BAIAP2L2: variants seen among roughly 807,000 people sequenced by gnomAD.
BAIAP2L2 encodes the protein BAR/IMD domain-containing adapter protein 2-like 2.
BAIAP2L2 carries 65 observed loss-of-function variants against 60.4 expected under a neutral mutation model. The ratio of observed to expected loss-of-function variants is 1.08; its 90% CI spans 0.88 to 1.32. BAIAP2L2 has a LOEUF of 1.32. BAIAP2L2 is among the 40% of genes most tolerant of loss of function. BAIAP2L2 has a pLI of 0.00. For synonymous variants in BAIAP2L2, 344 were observed against 301.7 expected (o/e 1.14, Z -1.45); for missense variants, 836 against 741.2 (o/e 1.13, Z -1.48).
chr22:38,109,108 C>A (rs762276069), intron 2 of BAIAP2L2, 25 bp downstream of exon 2: 7 of 1,593,632 alleles, frequency 4.4e-6, no homozygotes, highest in Non-Finnish European at 6.0e-6. Context: ...AGGGCTGGGG[C>A]TCGGTGGCCC....
At position 38,098,392 on chromosome 22, in the gene BAIAP2L2, G is replaced by A. The variant is rs777292221; in HGVS notation, c.348+19C>T. 2.0e-5 allele frequency: 33 copies of A among 1,611,244 alleles called. No individual in the cohort carries two copies. The East Asian group carries it at 6.7e-4, about 33-fold the overall frequency. On this transcript the variant is annotated intron_variant, in intron 5 of 13. Coordinates refer to ENST00000381669, the MANE Select transcript of BAIAP2L2 (RefSeq NM_025045.6). The stretch of plus-strand genomic sequence containing the variant: ...CTGCCTGCAGTGAGTTGGGGGCCGA[G>A]TGGGGAGGCCAGACTCACTTTGATG...
intron 7 of BAIAP2L2, among the ~76,000 whole-genome samples, chr22:38,094,909 T>C (rs149400736): frequency 3.2e-4 from 49 of 152,140 alleles, no homozygotes; most frequent in Non-Finnish European, 5.0e-4. Flanking sequence ...GCCAGCACTT[T>C]GGGAGGCCGA....
chr22:38,089,587 G>C lies in BAIAP2L2; in HGVS notation c.700C>G (p.Leu234Val). The change falls in exon 8 of 14, where the codon CTG becomes GTG. Residue 234 changes from leucine (L) to valine (V), a missense_variant. Transcript: ENST00000381669. ...RSPSRAHSPGLLGPALGPPYP... is the reference protein window; with the variant it reads ...RSPSRAHSPGVLGPALGPPYP... ...GGCGGCCCCAGCGCGGGGCCCAGCA[G>C]GCCGGGGGAGTGGGCGCGCGACGGG... The C allele has an allele frequency of 8.1e-7, 1 of 1,234,462 alleles. No individual in the cohort carries two copies. The highest frequency in any genetic ancestry group is 1.0e-6 in the Non-Finnish European group (1 of 990,770). The allele number at this position is 1,234,462 out of a possible 1,614,324, so 76.5% of individuals were successfully genotyped here.
In BAIAP2L2 at chr22:38,108,362, G is replaced by A. The variant is rs1342062694; in HGVS notation, c.128-21C>T. On this transcript the variant is annotated intron_variant, in intron 2 of 13. Coordinates refer to ENST00000381669, the MANE Select transcript of BAIAP2L2 (RefSeq NM_025045.6). ...CAGAGCTGTGGACCAGAAGGGACAG[G>A]TCTGGTCCAGCCCTGCCTCTGCCCC... 4.4e-6 allele frequency: 7 copies of A among 1,592,224 alleles called. No individual in the cohort carries two copies. The South Asian group carries it at 5.6e-5, about 13-fold the overall frequency.
Position 38,086,321 on chromosome 22 carries a change from G to T in BAIAP2L2, c.1388C>A (p.Ala463Asp). ...SRTPSRVPSR[A>D]PSPAPPPLPS... ...CAAGGGTGGAGGTGCAGGGCTGGGG[G>T]CACGGCTTGGCACCCGGCTTGGGGT... The change falls in exon 12 of 14, where the codon GCC becomes GAC. Residue 463 changes from alanine to aspartate, a missense_variant. Coordinates refer to ENST00000381669, the MANE Select transcript of BAIAP2L2 (RefSeq NM_025045.6). 2 of 1,580,270 alleles carry T rather than the reference G, an allele frequency of 1.3e-6. No homozygotes were observed. The highest frequency in any genetic ancestry group is 1.7e-6 in the Non-Finnish European group (2 of 1,158,962).
intron 4 of BAIAP2L2, 38 bp downstream of exon 4, chr22:38,107,814 T>C (rs2086695258): frequency 1.3e-6 from 2 of 1,598,542 alleles, no homozygotes; most frequent in Non-Finnish European, 1.7e-6. Context: ...CCCACTTTCC[T>C]CGAGTGACCC....
At chr22:38,096,996 G>A in intron 7 of BAIAP2L2, 36 bp downstream of exon 7, 1 of 1,586,256 alleles carries the variant, frequency 6.3e-7, no homozygotes, top group Non-Finnish European at 8.6e-7. Flanking sequence ...GCAGCTCCTA[G>A]AAGCGCCCCG....
chr22:38,098,014 TCTGCCCACCCGCCCTTC>T, intron 6 of BAIAP2L2, 32 bp downstream of exon 6: 1 of 791,426 alleles, frequency 1.3e-6, no homozygotes, highest in Non-Finnish European at 2.0e-6. Flanking sequence ...CGCCCCGAGG[TCTGCCCACCCGCCCTTC>T]CTGGCCCACC....
rs1367296282 is a variant in BAIAP2L2 at position 38,110,531 on chromosome 22, G to C, written c.-6C>G. 4.3e-6 allele frequency: 7 copies of C among 1,609,374 alleles called. No homozygotes were observed. Among genetic ancestry groups the C allele is most frequent in the Non-Finnish European group, 5.9e-6 (7 of 1,177,704 alleles). On this transcript the variant is annotated 5_prime_UTR_variant, in exon 1 of 14. Coordinates refer to ENST00000381669, the MANE Select transcript of BAIAP2L2 (RefSeq NM_025045.6). The stretch of plus-strand genomic sequence containing the variant: ...TGGTCCATCTCGGGGGCCATGGAGG[G>C]GCTGTCCCGGGTCTGAGCAGGAGGC...
In BAIAP2L2 at chr22:38,085,299, C is replaced by T. The variant is rs1476038913; in HGVS notation, c.*1G>A. The T allele has an allele frequency of 6.2e-7, 1 of 1,613,850 alleles. No homozygotes were observed. The highest frequency in any genetic ancestry group is 2.2e-5 in the East Asian group (1 of 44,858). On this transcript the variant is annotated 3_prime_UTR_variant, in exon 14 of 14. Coordinates refer to ENST00000381669, the MANE Select transcript of BAIAP2L2 (RefSeq NM_025045.6). ...TGTGGGGTACGACCTCGGACCCCGC[C>T]TCAGCGGATGAGGGGTGCTGAGCGG...
intron 4 of BAIAP2L2, among the ~76,000 whole-genome samples, chr22:38,102,951 C>T (rs1293432724): frequency 6.6e-6 from 1 of 151,384 alleles, no homozygotes; most frequent in East Asian, 1.9e-4. Flanking sequence ...GAGGCTGAGG[C>T]AGGAGAATGG....
At chr22:38,088,128 C>T (rs1569216959) in intron 10 of BAIAP2L2, among the ~76,000 whole-genome samples, 1 of 152,208 alleles carries the variant, frequency 6.6e-6, no homozygotes, top group Non-Finnish European at 1.5e-5. Context: ...CATGAAGCCC[C>T]GAGGGGGCAC....
At position 38,089,516 on chromosome 22, in the gene BAIAP2L2, C is replaced by T; in HGVS notation, c.765+6G>A. 8.3e-7 allele frequency: 1 copy of T among 1,207,736 alleles called. No homozygotes were observed. The allele number at this position is 1,207,736 out of a possible 1,614,324, so 74.8% of individuals were successfully genotyped here. A position where few individuals can be genotyped will look rare whatever the true frequency, so the allele number is the denominator to read the frequency against. On this transcript the variant is annotated splice_donor_region_variant and intron_variant, in intron 8 of 13. Coordinates refer to ENST00000381669, the MANE Select transcript of BAIAP2L2 (RefSeq NM_025045.6). ...CGAACGGCGGCGGGGGCGCCCAGGG[C>T]CTCACCATGTCCAGGCAGGTGGGCG...
chr22:38,102,011 G>A (rs1007256542), intron 4 of BAIAP2L2, among the ~76,000 whole-genome samples: 5 of 152,198 alleles, frequency 3.3e-5, no homozygotes, highest in Non-Finnish European at 5.9e-5. Context: ...CAGCATCCAT[G>A]TGGATGGAGC....
chr22:38,098,216 C>T (rs1001280964), intron 5 of BAIAP2L2, 37 bp from the exon 6 acceptor site: 56 of 1,600,648 alleles, frequency 3.5e-5, no homozygotes, highest in East Asian at 6.7e-5. Flanking sequence ...AGAATCCCCC[C>T]ACATCAGAGA....
chr22:38,087,143 C>CGGGGTTCAT lies in BAIAP2L2; in HGVS notation c.1231_1239dup (p.Met411_Pro413dup). 6.9e-6 allele frequency: 9 copies of CGGGGTTCAT among 1,306,034 alleles called. No individual in the cohort carries two copies. Among genetic ancestry groups the CGGGGTTCAT allele is most frequent in the Non-Finnish European group, 9.3e-6 (9 of 962,694 alleles). The allele number at this position is 1,306,034 out of a possible 1,614,324, so 80.9% of individuals were successfully genotyped here. On this transcript the variant is annotated inframe_insertion, in exon 11 of 14. Coordinates refer to ENST00000381669, the MANE Select transcript of BAIAP2L2 (RefSeq NM_025045.6). The stretch of plus-strand genomic sequence containing the variant: ...AGGTACCTGGAAGGCAGCTCGTTCC[C>CGGGGTTCAT]GGGGTTCATGGGTGTCATGGGGGAC...
At chr22:38,097,302 C>T (rs2086459788) in intron 6 of BAIAP2L2, 124 bp from the exon 7 acceptor site, 1 of 1,076,236 alleles carries the variant, frequency 9.3e-7, no homozygotes, top group African/African-American at 1.6e-5. Flanking sequence ...AAGCCCACCC[C>T]CCATCACCCG....
At position 38,086,369 on chromosome 22, in the gene BAIAP2L2, C is replaced by T. The variant is rs2086070744; in HGVS notation, c.1340G>A (p.Trp447Ter). The T allele has an allele frequency of 1.3e-6, 1 of 767,718 alleles. No individual in the cohort carries two copies. Among genetic ancestry groups the T allele is most frequent in the Non-Finnish European group, 1.9e-6 (1 of 521,634 alleles). 47.6% of individuals were successfully genotyped at this position (767,718 alleles called of 1,614,324 possible). A position where few individuals can be genotyped will look rare whatever the true frequency, so the allele number is the denominator to read the frequency against. ...GGTGCGGGAGCGGGACTGGCCATCC[C>T]AGTACTCCGAGGGTGCTATGGAGTT... ...PGNSIAPSEY[W>*]DGQSRSRTPS... The change falls in exon 12 of 14, where the codon TGG (tryptophan) becomes TAG (stop). Residue 447 changes from tryptophan to a stop codon, truncating the protein, a stop_gained. Coordinates refer to ENST00000381669, the MANE Select transcript of BAIAP2L2 (RefSeq NM_025045.6). LOFTEE classifies it high-confidence loss of function.
chr22:38,091,936 C>G (rs138736425), intron 7 of BAIAP2L2, among the ~76,000 whole-genome samples: 1 of 152,230 alleles, frequency 6.6e-6, no homozygotes, highest in Non-Finnish European at 1.5e-5. Context: ...AAAGCCACAC[C>G]GAGATACCAT....
Sources: allele counts gnomAD v4.1 joint callset (sites outside exome capture counted in the v4.1 genomes callset), GRCh38; gene constraint gnomAD v4.1.1; transcripts MANE v1.5; gene names NCBI Gene and HGNC (gene_info 2026-07-23, HGNC 2026-07-21).